ADAMTSL3: variants seen among roughly 807,000 people sequenced by gnomAD.
ADAMTSL3 encodes ADAMTS-like protein 3.
A neutral mutation model predicts 201.7 loss-of-function variants in ADAMTSL3; 128 were observed. The ratio of observed to expected loss-of-function variants is 0.63; its 90% CI spans 0.55 to 0.73. The LOEUF (loss-of-function observed/expected upper bound fraction) is 0.73, where lower values mean the gene tolerates loss of function less well. ADAMTSL3 is among the 30% of genes least tolerant of loss of function. ADAMTSL3 has a pLI of 0.00. For synonymous variants in ADAMTSL3, 738 were observed against 748.4 expected, an observed-to-expected ratio of 0.99 and a Z score of 0.23; for missense variants, 1,990 against 2,119.6, an observed-to-expected ratio of 0.94 and a Z score of 1.20.
chr15:83,955,161 T>G (rs2066835739), intron 19 of ADAMTSL3, among the ~76,000 whole-genome samples: 1 of 152,196 alleles, frequency 6.6e-6, no homozygotes, highest in Admixed American at 6.5e-5. Flanking sequence ...AGCCAGGGAT[T>G]TAAGTCAAAA....
intron 17 of ADAMTSL3, among the ~76,000 whole-genome samples, chr15:83,939,012 C>A (rs2066508920): frequency 6.6e-6 from 1 of 152,136 alleles, no homozygotes; most frequent in South Asian, 2.1e-4. Flanking sequence ...TTAACATTTA[C>A]AAATGTTTTT....
At chr15:83,760,692 A>C (rs1367531408) in intron 3 of ADAMTSL3, among the ~76,000 whole-genome samples, 1 of 152,076 alleles carries the variant, frequency 6.6e-6, no homozygotes, top group Non-Finnish European at 1.5e-5. Flanking sequence ...TCACTTTTAG[A>C]ATTTGTTCCA....
chr15:84,012,641 T>C (rs986042834), intron 23 of ADAMTSL3, among the ~76,000 whole-genome samples: 2 of 152,258 alleles, frequency 1.3e-5, no homozygotes, highest in Non-Finnish European at 2.9e-5. Context: ...TAAGGCCAAC[T>C]GATTAGTAAC....
Position 83,970,264 on chromosome 15 carries a change from G to GAGAA in ADAMTSL3, c.2491-209_2491-206dup, listed in dbSNP as rs777470741. The stretch of plus-strand genomic sequence containing the variant: ...AGAGAGGACATGACTGAAGGAAAAA[G>GAGAA]AGAAAGAAAGAAAGGAAGAGAAGGG... On this transcript the variant is annotated intron_variant, in intron 19 of 29. Transcript: ENST00000286744. Among the ~76,000 whole-genome samples, 6 of 150,976 alleles carry GAGAA rather than the reference G, an allele frequency of 4.0e-5. No homozygotes were observed. In the South Asian group the frequency reaches 6.4e-4, roughly 16 times the overall value.
chr15:83,738,373 C>G (rs1478356750), intron 3 of ADAMTSL3, among the ~76,000 whole-genome samples: 1 of 152,082 alleles, frequency 6.6e-6, no homozygotes, highest in Non-Finnish European at 1.5e-5. Flanking sequence ...TGTATATAAG[C>G]AATTTAGCAT....
chr15:83,807,153 T>G (rs964795197), intron 5 of ADAMTSL3, among the ~76,000 whole-genome samples: 13 of 152,112 alleles, frequency 8.5e-5, no homozygotes, highest in African/African-American at 3.1e-4. Context: ...ATCTTTGCAT[T>G]AAAAATTATA....
At chr15:84,037,093 T>TTGGGACACTGATGA in intron 29 of ADAMTSL3, 106 bp downstream of exon 29, 2 of 1,183,226 alleles carry the variant, frequency 1.7e-6, no homozygotes, top group Non-Finnish European at 1.2e-6. Flanking sequence ...ACCTCATCAG[T>TTGGGACACTGATGA]GTCCCAACTG....
intron 7 of ADAMTSL3, among the ~76,000 whole-genome samples, chr15:83,851,458 C>T (rs1211418506): frequency 6.6e-6 from 1 of 152,184 alleles, no homozygotes; most frequent in Non-Finnish European, 1.5e-5. Flanking sequence ...TGCACACACA[C>T]CCCTAGACAA....
chr15:83,773,463 A>C, intron 3 of ADAMTSL3, 60 bp from the exon 4 acceptor site: 1 of 1,564,562 alleles, frequency 6.4e-7, no homozygotes, highest in Non-Finnish European at 8.7e-7. Flanking sequence ...TATTTCTACC[A>C]CATTTGCCTA....
At chr15:83,872,393 A>G (rs1277730064) in intron 9 of ADAMTSL3, among the ~76,000 whole-genome samples, 1 of 152,046 alleles carries the variant, frequency 6.6e-6, no homozygotes, top group African/African-American at 2.4e-5. Context: ...CTCCACAGAC[A>G]TTTATGTTTC....
At chr15:83,771,632 T>G (rs1198952083) in intron 3 of ADAMTSL3, among the ~76,000 whole-genome samples, 1 of 152,242 alleles carries the variant, frequency 6.6e-6, no homozygotes, top group East Asian at 1.9e-4. Context: ...TTCTTTTTAA[T>G]GGCTCCATAG....
chr15:83,938,091 T>C (rs994932211), intron 17 of ADAMTSL3, among the ~76,000 whole-genome samples: 6 of 147,592 alleles, frequency 4.1e-5, no homozygotes, highest in Non-Finnish European at 8.8e-5. Context: ...AAATCAATAA[T>C]AGTTTCTGAT....
chr15:83,778,495 G>C (rs1244126518), intron 4 of ADAMTSL3, among the ~76,000 whole-genome samples: 2 of 152,126 alleles, frequency 1.3e-5, no homozygotes, highest in Non-Finnish European at 2.9e-5. Context: ...TTCCAACCCA[G>C]AATTTCATAT....
chr15:83,756,061 C>G (rs559222309), intron 3 of ADAMTSL3, among the ~76,000 whole-genome samples: 1 of 152,284 alleles, frequency 6.6e-6, no homozygotes, highest in South Asian at 2.1e-4. Flanking sequence ...GCATCTGGCC[C>G]CCTGCTTTCA....
chr15:83,963,193 G>T (rs532717888), intron 19 of ADAMTSL3, among the ~76,000 whole-genome samples: 6 of 152,306 alleles, frequency 3.9e-5, no homozygotes, highest in Non-Finnish European at 7.4e-5. Flanking sequence ...TGGAAAGGGG[G>T]CTGAAGCCAG....
At chr15:83,827,140 G>T (rs1456988139) in intron 6 of ADAMTSL3, among the ~76,000 whole-genome samples, 1 of 152,168 alleles carries the variant, frequency 6.6e-6, no homozygotes, top group African/African-American at 2.4e-5. Context: ...GTGTAAAAGT[G>T]TTCCTATTTC....
At chr15:83,879,695 T>C (rs994293711) in intron 9 of ADAMTSL3, among the ~76,000 whole-genome samples, 1 of 152,164 alleles carries the variant, frequency 6.6e-6, no homozygotes, top group Non-Finnish European at 1.5e-5. Flanking sequence ...TGGTGTGTAG[T>C]CTTCTGTTGT....
At chr15:83,974,216 C>T (rs569653936) in intron 20 of ADAMTSL3, among the ~76,000 whole-genome samples, 13 of 152,304 alleles carry the variant, frequency 8.5e-5, no homozygotes, top group African/African-American at 3.1e-4. Context: ...GATAATATGA[C>T]ATTGTGGTTG....
chr15:83,688,983 G>T (rs1395213925), intron 2 of ADAMTSL3, among the ~76,000 whole-genome samples: 1 of 151,708 alleles, frequency 6.6e-6, no homozygotes, highest in African/African-American at 2.4e-5. Context: ...TAATTTTTTT[G>T]TTTTTGTTTT....
Sources: allele counts gnomAD v4.1 joint callset (sites outside exome capture counted in the v4.1 genomes callset), GRCh38; gene constraint gnomAD v4.1.1; transcripts MANE v1.5; gene names NCBI Gene and HGNC (gene_info 2026-07-23, HGNC 2026-07-21).